Variants in CYP20A1 observed in about 807,000 individuals in gnomAD.
The protein encoded by CYP20A1 is cytochrome P450 20A1.
A neutral mutation model predicts 61.4 loss-of-function variants in CYP20A1; 61 were observed. That is an observed-to-expected ratio of 0.99 (90% CI 0.81 to 1.23). CYP20A1 has a LOEUF of 1.23. Ranked by LOEUF, CYP20A1 falls within the 50% of genes most tolerant of loss-of-function variation. CYP20A1 has a pLI of 0.00. For missense variants in CYP20A1, 530 were observed against 542.4 expected (o/e 0.98, Z 0.23); for synonymous variants, 193 against 188.2 (o/e 1.03, Z -0.21).
intron 5 of CYP20A1, among the ~76,000 whole-genome samples, chr2:203,270,197 T>C (rs1216301797): frequency 6.6e-6 from 1 of 151,986 alleles, no homozygotes; most frequent in African/African-American, 2.4e-5. Context: ...AAGGTGGAGG[T>C]TGTAGTGAGC....
chr2:203,246,255 A>T (rs2066456623), intron 2 of CYP20A1, among the ~76,000 whole-genome samples: 1 of 152,238 alleles, frequency 6.6e-6, no homozygotes, highest in African/African-American at 2.4e-5. Context: ...AATTCCTTTG[A>T]TTGCCCTAAA....
intron 4 of CYP20A1, among the ~76,000 whole-genome samples, chr2:203,260,376 C>T (rs1055691787): frequency 3.3e-5 from 5 of 151,728 alleles, no homozygotes; most frequent in African/African-American, 7.3e-5. Flanking sequence ...GCGTGTGCCA[C>T]GACGCCCGGC....
At chr2:203,262,480 T>C (rs2067173336) in intron 4 of CYP20A1, among the ~76,000 whole-genome samples, 1 of 152,192 alleles carries the variant, frequency 6.6e-6, no homozygotes, top group Non-Finnish European at 1.5e-5. Context: ...TTTTTTTCTA[T>C]ATATTTGTTT....
In CYP20A1 at chr2:203,289,817, G is replaced by A. The variant is rs528193755; in HGVS notation, c.1024G>A (p.Val342Ile). The A allele has an allele frequency of 1.2e-6, 2 of 1,601,698 alleles. No individual in the cohort carries two copies. Among genetic ancestry groups the A allele is most frequent in the East Asian group, 4.5e-5 (2 of 44,292 alleles). ...TGTTCGAACTGCCAAACTGACTCCA[G>A]TTTCTGCCCAGCTTCAAGATATTGA... ...ETVRTAKLTP[V>I]SAQLQDIEGK... is the part of the protein sequence containing the mutation. Residue 342 changes from valine to isoleucine, a missense_variant, in exon 10 of 13, where the codon GTT becomes ATT. Transcript: ENST00000356079.
chr2:203,242,803 A>AT (rs1270236591), intron 1 of CYP20A1, among the ~76,000 whole-genome samples: 1 of 151,922 alleles, frequency 6.6e-6, no homozygotes, highest in African/African-American at 2.4e-5. Flanking sequence ...AAAAAAAAAA[A>AT]GCTTAGGTTG....
chr2:203,278,508 A>G (rs1162601787), intron 6 of CYP20A1, 65 bp from the exon 7 acceptor site: 1 of 650,720 alleles, frequency 1.5e-6, no homozygotes, highest in Non-Finnish European at 2.5e-6. Context: ...GCACAGAATT[A>G]TTTTTTTAAA....
chr2:203,287,810 C>T (rs12693984), intron 9 of CYP20A1, among the ~76,000 whole-genome samples: 60,230 of 151,904 alleles, frequency 0.4, 12,422 homozygotes, highest in East Asian at 0.63. Context: ...TCACTTGTGC[C>T]TCTTCATAGC....
Position 203,246,802 on chromosome 2 carries a change from TC to T in CYP20A1, c.172del (p.Leu58TrpfsTer30), listed in dbSNP as rs761070648. 6.2e-7 allele frequency: 1 copy of T among 1,614,172 alleles called. No individual in the cohort carries two copies. Among genetic ancestry groups the T allele is most frequent in the Non-Finnish European group, 8.5e-7 (1 of 1,180,042 alleles). On this transcript the variant is annotated frameshift_variant, in exon 3 of 13. Transcript: ENST00000356079. LOFTEE classifies it high-confidence loss of function. ...GTGAATAGTGGAAGTTTGCATGAGT[TC>T]CTGGTTAATTTGCATGAGAGATATG... ...DIVNSGSLHEFLVNLHERYGP... is the reference protein window; with the variant it reads ...DIVNSGSLHEXLVNLHERYGP...
At chr2:203,246,432 C>T (rs1285208741) in intron 2 of CYP20A1, among the ~76,000 whole-genome samples, 2 of 152,102 alleles carry the variant, frequency 1.3e-5, no homozygotes, top group Admixed American at 6.6e-5. Flanking sequence ...TTTCACCAGC[C>T]GATGATGTCC....
chr2:203,266,655 A>C lies in CYP20A1; in HGVS notation c.574A>C (p.Ile192Leu). Reference sequence around the variant, plus strand: ...TACATTTGAAGATGATCAGGAAGTCATTCGCTTCCAGAAGAATCATGGCAC... The same window carrying C: ...TACATTTGAAGATGATCAGGAAGTCCTTCGCTTCCAGAAGAATCATGGCAC... Reference protein sequence around the residue: ...GSTFEDDQEVIRFQKNHGTVW... With the variant: ...GSTFEDDQEVLRFQKNHGTVW... Residue 192 changes from isoleucine (I) to leucine (L), a missense_variant, in exon 5 of 13, where the codon ATT becomes CTT. By Grantham distance (5) the Ile-to-Leu change is conservative (BLOSUM62 2). Coordinates refer to ENST00000356079, the MANE Select transcript of CYP20A1 (RefSeq NM_177538.3). The C allele has an allele frequency of 6.2e-7, 1 of 1,614,074 alleles. No individual in the cohort carries two copies. Among genetic ancestry groups the C allele is most frequent in the Non-Finnish European group, 8.5e-7 (1 of 1,179,950 alleles).
intron 5 of CYP20A1, among the ~76,000 whole-genome samples, chr2:203,267,627 A>C (rs1413420788): frequency 6.6e-6 from 1 of 151,686 alleles, no homozygotes; most frequent in Non-Finnish European, 1.5e-5. Context: ...GGTGGATCAC[A>C]AGGTCAGGAG....
intron 11 of CYP20A1, among the ~76,000 whole-genome samples, chr2:203,294,702 T>C (rs1368415934): frequency 6.6e-6 from 1 of 150,492 alleles, no homozygotes. Flanking sequence ...TGGTGCAATC[T>C]TGGCTCACTG....
At chr2:203,289,735 A>G (rs2068450292) in intron 9 of CYP20A1, 30 bp from the exon 10 acceptor site, 3 of 1,326,036 alleles carry the variant, frequency 2.3e-6, no homozygotes, top group Non-Finnish European at 3.2e-6. Context: ...CCCAAAATAA[A>G]CATCTTCAAA....
At chr2:203,289,682 G>A in intron 9 of CYP20A1, 83 bp from the exon 10 acceptor site, 1 of 606,856 alleles carries the variant, frequency 1.6e-6, no homozygotes, top group South Asian at 2.7e-5. Context: ...TTGAGCAGTT[G>A]TTGAAGAACG....
rs117750828 is a variant in CYP20A1 at position 203,254,500 on chromosome 2, A to G, written c.432+2391A>G. Among the ~76,000 whole-genome samples, 188 of 150,964 alleles carry G rather than the reference A, an allele frequency of 1.2e-3. 5 individuals carry two copies. In the East Asian group the frequency reaches 0.035, roughly 28 times the overall value. On this transcript the variant is annotated intron_variant, in intron 4 of 12. Transcript: ENST00000356079. ...GTGAAGGTTGCAGTGAGCCAAGATC[A>G]TGCCACTCACTGCACTCCAGTCTGG... is the stretch of plus-strand genomic sequence containing the variant.
At position 203,242,530 on chromosome 2, in the gene CYP20A1, A is replaced by G. The variant is rs138198536; in HGVS notation, c.73-3316A>G. Among the ~76,000 whole-genome samples, 159 of 152,242 alleles carry G rather than the reference A, an allele frequency of 1.0e-3. 1 individual carries two copies. Among genetic ancestry groups the G allele is most frequent in the African/African-American group, 3.3e-3 (137 of 41,540 alleles). On this transcript the variant is annotated intron_variant, in intron 1 of 12. Transcript: ENST00000356079. ...ATGGCCAGCACGGTGACTCAAGCCTATAATCCCAGCACTTCGGGAGGCTGA... is the reference window on the plus strand; with the variant it reads ...ATGGCCAGCACGGTGACTCAAGCCTGTAATCCCAGCACTTCGGGAGGCTGA...
rs1310909153 is a variant in CYP20A1, at chr2:203,297,752, T to TG, written c.*846dup. On this transcript the variant is annotated 3_prime_UTR_variant, in exon 13 of 13. Transcript: ENST00000356079. The stretch of plus-strand genomic sequence containing the variant: ...CAGTACTTTGGGAGGCTGAGGCGGG[T>TG]GGAGCACCTGAGGTCAGGAATTCGA... The TG allele has an allele frequency of 6.6e-6, 1 of 151,680 alleles. No individual in the cohort carries two copies. Among genetic ancestry groups the TG allele is most frequent in the East Asian group, 1.9e-4 (1 of 5,168 alleles). 9.4% of individuals were successfully genotyped at this position (151,680 alleles called of 1,614,324 possible).
chr2:203,284,201 T>C (rs2068168138), intron 8 of CYP20A1, among the ~76,000 whole-genome samples: 1 of 152,176 alleles, frequency 6.6e-6, no homozygotes, highest in South Asian at 2.1e-4. Context: ...AACTTTTTTT[T>C]ATAAATTAAC....
At position 203,251,990 on chromosome 2, in the gene CYP20A1, A is replaced by G. The variant is rs779450608; in HGVS notation, c.313A>G (p.Lys105Glu). The stretch of plus-strand genomic sequence containing the variant: ...AGCGGACCCTTTTGAAACCATGCTG[A>G]AGTCATTATTAAGGTATCAATCTGG... ...KTSDPFETML[K>E]SLLRYQSGGG... Residue 105 changes from lysine to glutamate, a missense_variant, in exon 4 of 13, where the codon AAG becomes GAG. Coordinates refer to ENST00000356079, the MANE Select transcript of CYP20A1 (RefSeq NM_177538.3). The G allele has an allele frequency of 2.0e-5, 32 of 1,602,920 alleles. 1 individual carries two copies. The South Asian group carries it at 2.8e-4, about 14-fold the overall frequency.
Sources: gnomAD v4.1 joint callset for allele counts (sites outside exome capture counted in the v4.1 genomes callset) on GRCh38, gnomAD v4.1.1 for gene constraint, MANE v1.5 for transcripts, NCBI Gene and HGNC (gene_info 2026-07-23, HGNC 2026-07-21) for gene names.